SSU72: variants seen among roughly 807,000 people sequenced by gnomAD.
SSU72 encodes SSU72 homolog, RNA polymerase II CTD phosphatase.
A neutral mutation model predicts 22.7 loss-of-function variants in SSU72; 12 were observed. The observed-to-expected ratio is 0.53, with a 90% CI of 0.34 to 0.86. The LOEUF is 0.86. SSU72 is among the 40% of genes least tolerant of loss of function. The pLI is 0.02. For synonymous variants in SSU72, 116 were observed against 98.3 expected (o/e 1.18, Z -1.06); for missense variants, 151 against 249.8 (o/e 0.60, Z 2.67).
At chr1:1,548,638 G>A (rs1642421500) in intron 2 of SSU72, among the ~76,000 whole-genome samples, 2 of 152,104 alleles carry the variant, frequency 1.3e-5, no homozygotes, top group African/African-American at 2.4e-5. Flanking sequence ...GGGGTGGGGT[G>A]CTGGGGGTGG....
rs919415630 is a variant in SSU72, at chr1:1,554,047, C to A, written c.225-9045G>T. Among the ~76,000 whole-genome samples, 2 of 152,216 alleles carry A rather than the reference C, an allele frequency of 1.3e-5. No homozygotes were observed. Among genetic ancestry groups the A allele is most frequent in the Non-Finnish European group, 2.9e-5 (2 of 68,034 alleles). On this transcript the variant is annotated intron_variant, in intron 2 of 4. Coordinates refer to ENST00000291386, the MANE Select transcript of SSU72 (RefSeq NM_014188.3). The surrounding 1 kb of genome is among the most constrained non-coding windows in gnomAD (Gnocchi z 4.1). Reference sequence around the variant, plus strand: ...GGGGGACGTCAGGTGGCCACGGAGACCACGTGTCAGTGGCCAGGGCCTCTA... The same window carrying A: ...GGGGGACGTCAGGTGGCCACGGAGAACACGTGTCAGTGGCCAGGGCCTCTA...
At chr1:1,573,426 T>C (rs1642763207) in intron 1 of SSU72, among the ~76,000 whole-genome samples, 1 of 121,482 alleles carries the variant, frequency 8.2e-6, no homozygotes, top group African/African-American at 2.8e-5. Flanking sequence ...CAAGACTCTG[T>C]CTCAAAAAAA....
At chr1:1,560,789 C>T (rs1194005704) in intron 2 of SSU72, 1 of 152,180 alleles carries the variant, frequency 6.6e-6, no homozygotes, top group Admixed American at 6.5e-5. Context: ...GAGTTCGAGA[C>T]AAACCTGGAT....
At chr1:1,550,359 G>A (rs1486058187) in intron 2 of SSU72, among the ~76,000 whole-genome samples, 1 of 152,172 alleles carries the variant, frequency 6.6e-6, no homozygotes, top group Admixed American at 6.5e-5. Context: ...CTGAATGTCT[G>A]CTCTTTTCTT....
chr1:1,546,132 GCT>G (rs773173771), intron 2 of SSU72: 1 of 152,282 alleles, frequency 6.6e-6, no homozygotes, highest in Non-Finnish European at 1.5e-5. Context: ...CCAAAGATGA[GCT>G]CTGTGGTCTG....
chr1:1,551,479 G>A (rs1047788230), intron 2 of SSU72, among the ~76,000 whole-genome samples: 1 of 152,110 alleles, frequency 6.6e-6, no homozygotes, highest in African/African-American at 2.4e-5. Context: ...GAATTGAGAA[G>A]TACAAAGTAA....
intron 1 of SSU72, among the ~76,000 whole-genome samples, chr1:1,574,253 A>C (rs1433619795): frequency 6.6e-6 from 1 of 151,828 alleles, no homozygotes; most frequent in Non-Finnish European, 1.5e-5. Flanking sequence ...TCGAAGGACC[A>C]CCGGACAGCG....
chr1:1,557,881 C>T (rs1642540302), intron 2 of SSU72, among the ~76,000 whole-genome samples: 1 of 152,154 alleles, frequency 6.6e-6, no homozygotes, highest in African/African-American at 2.4e-5. Flanking sequence ...ACCTAAAAGA[C>T]AATGAATTCA....
At position 1,574,207 on chromosome 1, in the gene SSU72, C is replaced by T. The variant is rs549084381; in HGVS notation, c.80+271G>A. On this transcript the variant is annotated intron_variant, in intron 1 of 4. Coordinates refer to ENST00000291386, the MANE Select transcript of SSU72 (RefSeq NM_014188.3). ...CCGCCGCGCAGCCCCTCGCCGCGGACGCTACCCTCGCCCCCCGGGCCCGGC... is the reference window on the plus strand; with the variant it reads ...CCGCCGCGCAGCCCCTCGCCGCGGATGCTACCCTCGCCCCCCGGGCCCGGC... Among the ~76,000 whole-genome samples, 7 of 152,294 alleles carry T rather than the reference C, an allele frequency of 4.6e-5. No homozygotes were observed. In the South Asian group the frequency reaches 1.0e-3, roughly 23 times the overall value.
intron 2 of SSU72, among the ~76,000 whole-genome samples, chr1:1,555,271 C>T (rs923517701): frequency 1.3e-5 from 2 of 152,212 alleles, no homozygotes; most frequent in African/African-American, 4.8e-5. Flanking sequence ...CAGGAGGCTC[C>T]GGTATCTGTG....
intron 2 of SSU72, among the ~76,000 whole-genome samples, chr1:1,558,671 G>T (rs575785530): frequency 6.6e-6 from 1 of 152,320 alleles, no homozygotes; most frequent in African/African-American, 2.4e-5. Context: ...CTTTCTGTAG[G>T]ATCCTGTGAG....
At chr1:1,549,847 G>A (rs999817538) in intron 2 of SSU72, among the ~76,000 whole-genome samples, 2 of 151,866 alleles carry the variant, frequency 1.3e-5, no homozygotes, top group Non-Finnish European at 2.9e-5. Context: ...GGTGGCGGGT[G>A]CCTGTAATCC....
chr1:1,556,376 T>C (rs1378619523), intron 2 of SSU72, among the ~76,000 whole-genome samples: 3 of 152,066 alleles, frequency 2.0e-5, no homozygotes, highest in African/African-American at 7.2e-5. Context: ...CCATGTCTAC[T>C]AAAAATACAA....
intron 1 of SSU72, among the ~76,000 whole-genome samples, chr1:1,566,121 T>C (rs1042182352): frequency 4.7e-5 from 7 of 150,148 alleles, no homozygotes; most frequent in Non-Finnish European, 1.0e-4. Flanking sequence ...AAAAATTAGC[T>C]GGGCATGGTG....
chr1:1,565,407 G>A (rs566788719), intron 1 of SSU72, among the ~76,000 whole-genome samples: 270 of 152,292 alleles, frequency 1.8e-3, no homozygotes, highest in Middle Eastern at 3.4e-3. Context: ...CCATCACAAA[G>A]CCACATCTGA....
chr1:1,549,886 T>C (rs753558842), intron 2 of SSU72, among the ~76,000 whole-genome samples: 28 of 149,980 alleles, frequency 1.9e-4, no homozygotes, highest in Non-Finnish European at 3.2e-4. Context: ...GGCAGGAGAA[T>C]AGCTTGAACC....
intron 2 of SSU72, among the ~76,000 whole-genome samples, chr1:1,550,330 T>A (rs1325510018): frequency 6.6e-6 from 1 of 152,158 alleles, no homozygotes; most frequent in East Asian, 1.9e-4. Context: ...CCCTTCAGGG[T>A]TCTTGGCAAC....
chr1:1,560,706 G>A (rs747775211), intron 2 of SSU72: 1 of 152,228 alleles, frequency 6.6e-6, no homozygotes, highest in Non-Finnish European at 1.5e-5. Flanking sequence ...AGAAATGAAA[G>A]CTGAGAATAG....
intron 1 of SSU72, among the ~76,000 whole-genome samples, chr1:1,573,214 G>C (rs1413929840): frequency 6.8e-6 from 1 of 146,368 alleles, no homozygotes; most frequent in East Asian, 2.0e-4. Flanking sequence ...GAGGTCATAA[G>C]ATCAAGACCA....
Sources: allele counts gnomAD v4.1 joint callset (sites outside exome capture counted in the v4.1 genomes callset), GRCh38; gene constraint gnomAD v4.1.1; non-coding constraint Gnocchi (gnomAD v3.1); transcripts MANE v1.5; gene names NCBI Gene and HGNC (gene_info 2026-07-23, HGNC 2026-07-21).